C8orf34: variants seen among roughly 807,000 people sequenced by gnomAD.
The protein encoded by C8orf34 is uncharacterized protein C8orf34.
Under a neutral mutation model 68.3 loss-of-function variants are expected in C8orf34, and 65 were observed. That is an observed-to-expected ratio of 0.95 (90% confidence interval 0.78 to 1.17). C8orf34 has a LOEUF of 1.17. C8orf34 is among the 50% of genes most tolerant of loss of function. C8orf34 has a pLI of 0.00. For missense variants in C8orf34, 664 were observed against 655.4 expected (o/e 1.01, Z -0.14); for synonymous variants, 244 against 241.2 (o/e 1.01, Z -0.11).
intron 7 of C8orf34, among the ~76,000 whole-genome samples, chr8:68,610,509 T>C (rs1817984372): frequency 6.6e-6 from 1 of 152,192 alleles, no homozygotes; most frequent in Admixed American, 6.6e-5. Context: ...TAAAATCTAA[T>C]GTAATCATAT....
At chr8:68,420,476 C>T (rs1477426580) in intron 1 of C8orf34, among the ~76,000 whole-genome samples, 1 of 152,052 alleles carries the variant, frequency 6.6e-6, no homozygotes, top group Non-Finnish European at 1.5e-5. Flanking sequence ...AGGAAGGTAG[C>T]ATCCTCCTAG....
At chr8:68,650,481 T>C (rs1444837731) in intron 8 of C8orf34, among the ~76,000 whole-genome samples, 9 of 147,492 alleles carry the variant, frequency 6.1e-5, no homozygotes, top group Non-Finnish European at 1.2e-4. Flanking sequence ...CCTAGTCTTT[T>C]TTTTTTTTTT....
intron 10 of C8orf34, among the ~76,000 whole-genome samples, chr8:68,731,179 T>A (rs1235747208): frequency 6.6e-6 from 1 of 152,190 alleles, no homozygotes; most frequent in African/African-American, 2.4e-5. Flanking sequence ...CCTCTCCTTC[T>A]TCAGCTACGA....
chr8:68,412,923 C>G (rs1474771336), intron 1 of C8orf34, among the ~76,000 whole-genome samples: 1 of 152,162 alleles, frequency 6.6e-6, no homozygotes, highest in African/African-American at 2.4e-5. Flanking sequence ...TCCTATCAAG[C>G]TTAAACTCTG....
At chr8:68,403,226 T>G (rs1329776376) in intron 1 of C8orf34, among the ~76,000 whole-genome samples, 2 of 152,190 alleles carry the variant, frequency 1.3e-5, no homozygotes, top group African/African-American at 4.8e-5. Context: ...GCCTGAGGAC[T>G]GGCAGTGATT....
intron 1 of C8orf34, among the ~76,000 whole-genome samples, chr8:68,345,755 ATAT>A (rs1443409891): frequency 6.6e-6 from 1 of 151,860 alleles, no homozygotes; most frequent in African/African-American, 2.4e-5. Context: ...GGGTATATAT[ATAT>A]TTTTTGTGTA....
chr8:68,387,887 C>T (rs1316432580), intron 1 of C8orf34, among the ~76,000 whole-genome samples: 1 of 152,130 alleles, frequency 6.6e-6, no homozygotes, highest in Non-Finnish European at 1.5e-5. Flanking sequence ...TATTTCCCTT[C>T]ATCCACCTGA....
intron 1 of C8orf34, among the ~76,000 whole-genome samples, chr8:68,345,095 A>G (rs1248955364): frequency 6.6e-6 from 1 of 152,098 alleles, no homozygotes; most frequent in Non-Finnish European, 1.5e-5. Context: ...GAATTTTAAT[A>G]AATATAAATG....
At chr8:68,637,997 A>G (rs1305987977) in intron 7 of C8orf34, among the ~76,000 whole-genome samples, 1 of 152,228 alleles carries the variant, frequency 6.6e-6, no homozygotes, top group African/African-American at 2.4e-5. Context: ...AAAGAGAAAA[A>G]GAGTCATTGT....
intron 1 of C8orf34, among the ~76,000 whole-genome samples, chr8:68,340,249 T>C (rs936631079): frequency 3.3e-5 from 5 of 152,124 alleles, no homozygotes; most frequent in Non-Finnish European, 7.4e-5. Flanking sequence ...GGTGGATTGA[T>C]ACGTTATTGG....
intron 4 of C8orf34, among the ~76,000 whole-genome samples, chr8:68,476,335 T>C (rs1296275080): frequency 6.6e-6 from 1 of 152,132 alleles, no homozygotes; most frequent in Non-Finnish European, 1.5e-5. Context: ...GACAACTTGA[T>C]AGAAAAGTTA....
chr8:68,616,798 T>C (rs1253082978), intron 7 of C8orf34, among the ~76,000 whole-genome samples: 1 of 152,168 alleles, frequency 6.6e-6, no homozygotes, highest in Admixed American at 6.5e-5. Context: ...TGTAGATGTC[T>C]ATTAGGTCCG....
chr8:68,622,040 T>A (rs886491193), intron 7 of C8orf34, among the ~76,000 whole-genome samples: 1 of 152,178 alleles, frequency 6.6e-6, no homozygotes, highest in Admixed American at 6.5e-5. Flanking sequence ...TGGGGAAGGA[T>A]CTGTCTCCAA....
At chr8:68,756,497 G>T (rs574267685) in intron 10 of C8orf34, among the ~76,000 whole-genome samples, 3 of 152,220 alleles carry the variant, frequency 2.0e-5, no homozygotes, top group African/African-American at 7.2e-5. Flanking sequence ...CTGAAGTAAC[G>T]GGTAGGGGGT....
At chr8:68,403,347 C>A (rs1809042210) in intron 1 of C8orf34, among the ~76,000 whole-genome samples, 2 of 152,224 alleles carry the variant, frequency 1.3e-5, no homozygotes, top group South Asian at 4.1e-4. Context: ...TGAGTTACTA[C>A]ACATGAGTGA....
intron 8 of C8orf34, among the ~76,000 whole-genome samples, chr8:68,692,239 C>T (rs151191038): frequency 5.4e-4 from 82 of 152,050 alleles, no homozygotes; most frequent in African/African-American, 1.8e-3. Flanking sequence ...ACACGTATAC[C>T]GTCTTGTGTG....
At chr8:68,813,747 C>A (rs553193719) in intron 12 of C8orf34, among the ~76,000 whole-genome samples, 1 of 152,244 alleles carries the variant, frequency 6.6e-6, no homozygotes, top group South Asian at 2.1e-4. Context: ...TCATCCTGGT[C>A]ACTATAGTCT....
chr8:68,676,648 CAT>C (rs1820200130), intron 8 of C8orf34, among the ~76,000 whole-genome samples: 1 of 152,124 alleles, frequency 6.6e-6, no homozygotes, highest in African/African-American at 2.4e-5. Flanking sequence ...CAAGGATAGA[CAT>C]ATGTTAGGCC....
At chr8:68,354,866 A>T (rs773937817) in intron 1 of C8orf34, among the ~76,000 whole-genome samples, 2 of 152,054 alleles carry the variant, frequency 1.3e-5, no homozygotes, top group African/African-American at 2.4e-5. Flanking sequence ...CCCTGTACAG[A>T]TGCACAGTGT....
Sources: gnomAD v4.1 joint callset for allele counts (sites outside exome capture counted in the v4.1 genomes callset) on GRCh38, gnomAD v4.1.1 for gene constraint, MANE v1.5 for transcripts, NCBI Gene and HGNC (gene_info 2026-07-23, HGNC 2026-07-21) for gene names.